The following CADM2 variants were observed in gnomAD, a reference collection of about 807,000 sequenced individuals.
CADM2 encodes the protein immunoglobulin superfamily member 4D.
CADM2 carries 12 observed loss-of-function variants against 49.8 expected under a neutral mutation model. That is an observed-to-expected ratio of 0.24 (90% confidence interval 0.15 to 0.39). The LOEUF (loss-of-function observed/expected upper bound fraction) is 0.39. CADM2 is among the 10% of genes least tolerant of loss of function. The pLI, the probability that CADM2 is intolerant of heterozygous loss-of-function variation, is 1.00. For synonymous variants in CADM2, 214 were observed against 175.4 expected, an observed-to-expected ratio of 1.22 and a Z score of -1.74; for missense variants, 378 against 492.3, an observed-to-expected ratio of 0.77 and a Z score of 2.20.
chr3:85,602,429 C>T (rs2063432740), intron 1 of CADM2, among the ~76,000 whole-genome samples: 1 of 151,816 alleles, frequency 6.6e-6, no homozygotes, highest in African/African-American at 2.4e-5. Flanking sequence ...GATTACGACT[C>T]TTCACCCATT....
chr3:85,196,674 A>G (rs533743495), intron 1 of CADM2, among the ~76,000 whole-genome samples: 25 of 151,968 alleles, frequency 1.6e-4, no homozygotes, highest in Non-Finnish European at 3.4e-4. Context: ...TCCACAGGAA[A>G]ACTCATTGTG....
At position 86,072,335 on chromosome 3, in the gene CADM2, T is replaced by C. The variant is rs1703330672; in HGVS notation, c.*5552T>C. ...TATATAACTCAAGAAACTCAAGTTA[T>C]ATATATATGTCAAGAAATGTATGAT... On this transcript the variant is annotated 3_prime_UTR_variant, in exon 10 of 10. Transcript: ENST00000383699. The C allele has an allele frequency of 6.6e-6, 1 of 150,866 alleles. No individual in the cohort carries two copies. Among genetic ancestry groups the C allele is most frequent in the Admixed American group, 6.6e-5 (1 of 15,040 alleles). The allele number at this position is 150,866 out of a possible 1,614,324, so 9.3% of individuals were successfully genotyped here.
chr3:85,158,024 G>T (rs915083298), intron 1 of CADM2, among the ~76,000 whole-genome samples: 5 of 152,078 alleles, frequency 3.3e-5, no homozygotes, highest in African/African-American at 1.2e-4. Flanking sequence ...TCAAAAAGTC[G>T]GCGAAGGACA....
At chr3:85,138,813 C>T (rs776811937) in intron 1 of CADM2, among the ~76,000 whole-genome samples, 5 of 152,174 alleles carry the variant, frequency 3.3e-5, no homozygotes, top group African/African-American at 7.2e-5. Context: ...TTTTGCCCAA[C>T]ACGTTCACAT....
At chr3:85,132,681 A>G (rs868072446) in intron 1 of CADM2, among the ~76,000 whole-genome samples, 3 of 152,164 alleles carry the variant, frequency 2.0e-5, no homozygotes, top group South Asian at 2.1e-4. Flanking sequence ...CAAAGATTCA[A>G]TAATAAATTA....
chr3:85,524,096 A>C (rs2061099616), intron 1 of CADM2, among the ~76,000 whole-genome samples: 1 of 152,160 alleles, frequency 6.6e-6, no homozygotes, highest in Non-Finnish European at 1.5e-5. Context: ...CAAACTAGGA[A>C]TGTCTTGCCT....
At chr3:86,028,946 TA>T (rs1024397550) in intron 8 of CADM2, among the ~76,000 whole-genome samples, 3 of 152,164 alleles carry the variant, frequency 2.0e-5, no homozygotes, top group African/African-American at 7.2e-5. Context: ...AAGGGATTAA[TA>T]AAGTAATTAT....
intron 1 of CADM2, among the ~76,000 whole-genome samples, chr3:85,252,482 A>C (rs536732654): frequency 6.6e-6 from 1 of 152,138 alleles, no homozygotes; most frequent in Non-Finnish European, 1.5e-5. Context: ...GGTGATAATT[A>C]AAATCATTCA....
Position 84,959,534 on chromosome 3 carries a change from C to G in CADM2, c.-74C>G. 1.4e-6 allele frequency: 2 copies of G among 1,407,730 alleles called. No homozygotes were observed. Among genetic ancestry groups the G allele is most frequent in the South Asian group, 2.5e-5 (2 of 81,106 alleles). The allele number at this position is 1,407,730 out of a possible 1,614,324, so 87.2% of individuals were successfully genotyped here. A position where few individuals can be genotyped will look rare whatever the true frequency, so the allele number is the denominator to read the frequency against. On this transcript the variant is annotated 5_prime_UTR_variant, in exon 1 of 10. Coordinates refer to ENST00000383699, the MANE Select transcript of CADM2 (RefSeq NM_001167675.2). ...CCGGGAGGAGGACACCAGCGGAGCC[C>G]TGCACTCTCGTGCCCCGCTCACCAG...
intron 3 of CADM2, among the ~76,000 whole-genome samples, chr3:85,865,495 T>A (rs2075689627): frequency 6.6e-6 from 1 of 152,208 alleles, no homozygotes; most frequent in Non-Finnish European, 1.5e-5. Flanking sequence ...TGAATCAGTT[T>A]TTCTTGATGG....
intron 1 of CADM2, among the ~76,000 whole-genome samples, chr3:85,352,468 G>T (rs1443677361): frequency 6.6e-6 from 1 of 152,066 alleles, no homozygotes; most frequent in Non-Finnish European, 1.5e-5. Flanking sequence ...ATCACATTGG[G>T]AAGCGAGGGA....
chr3:85,477,100 C>T (rs1183392028), intron 1 of CADM2, among the ~76,000 whole-genome samples: 1 of 151,790 alleles, frequency 6.6e-6, no homozygotes, highest in African/African-American at 2.4e-5. Flanking sequence ...AAGACTTTTG[C>T]CTGAAGGCAT....
intron 2 of CADM2, among the ~76,000 whole-genome samples, chr3:85,793,513 T>C (rs1037015762): frequency 1.3e-5 from 2 of 152,194 alleles, no homozygotes; most frequent in Admixed American, 1.3e-4. Flanking sequence ...TGTAAATGTT[T>C]ACCAACATGC....
chr3:85,675,529 G>C (rs191974007), intron 1 of CADM2, among the ~76,000 whole-genome samples: 34 of 152,232 alleles, frequency 2.2e-4, no homozygotes, highest in Admixed American at 2.2e-3. Context: ...ATCTGTATGG[G>C]TACTGTGATG....
chr3:85,810,283 A>G (rs887504175), intron 3 of CADM2, among the ~76,000 whole-genome samples: 2 of 152,126 alleles, frequency 1.3e-5, no homozygotes, highest in African/African-American at 4.8e-5. Flanking sequence ...GATGAAAACC[A>G]TAGGTCAAGG....
intron 1 of CADM2, among the ~76,000 whole-genome samples, chr3:85,689,457 A>G (rs1308585931): frequency 2.0e-5 from 3 of 152,238 alleles, no homozygotes; most frequent in South Asian, 2.1e-4. Context: ...TTTATATGCA[A>G]TATATTTGTG....
At chr3:85,560,662 G>A (rs1367959177) in intron 1 of CADM2, among the ~76,000 whole-genome samples, 1 of 152,126 alleles carries the variant, frequency 6.6e-6, no homozygotes, top group African/African-American at 2.4e-5. Flanking sequence ...TCACAATGAA[G>A]CATTTATTTT....
chr3:85,641,380 C>T (rs1013816533), intron 1 of CADM2, among the ~76,000 whole-genome samples: 10 of 152,170 alleles, frequency 6.6e-5, no homozygotes, highest in African/African-American at 2.4e-4. Flanking sequence ...AAAAATCTCA[C>T]ATGTTGGCTT....
At chr3:85,763,657 G>A (rs560814874) in intron 2 of CADM2, among the ~76,000 whole-genome samples, 30 of 152,212 alleles carry the variant, frequency 2.0e-4, no homozygotes, top group African/African-American at 6.7e-4. Context: ...CCTGCTAAAC[G>A]TTATCCATCC....
Sources: allele counts gnomAD v4.1 joint callset (sites outside exome capture counted in the v4.1 genomes callset), GRCh38; gene constraint gnomAD v4.1.1; transcripts MANE v1.5; gene names NCBI Gene and HGNC (gene_info 2026-07-23, HGNC 2026-07-21).